AIG1: variants seen among roughly 807,000 people sequenced by gnomAD.
AIG1 encodes the protein androgen-induced gene 1 protein.
Under a neutral mutation model 31.4 loss-of-function variants are expected in AIG1, and 23 were observed. The observed-to-expected ratio is 0.73, with a 90% CI of 0.53 to 1.04. The LOEUF (loss-of-function observed/expected upper bound fraction) is 1.04, where lower values mean the gene tolerates loss of function less well. AIG1 is among the 50% of genes least tolerant of loss of function. The pLI, the probability that AIG1 is intolerant of heterozygous loss-of-function variation, is 0.00. For synonymous variants in AIG1, 100 were observed against 110.5 expected (o/e 0.90, Z 0.60); for missense variants, 274 against 295.0 (o/e 0.93, Z 0.52).
At chr6:143,308,287 C>T (rs935374419) in intron 4 of AIG1, among the ~76,000 whole-genome samples, 12 of 152,374 alleles carry the variant, frequency 7.9e-5, no homozygotes, top group African/African-American at 1.2e-4. Context: ...AGAAATCACC[C>T]GTCTTCTGCA....
At chr6:143,224,248 G>A (rs746103022) in intron 3 of AIG1, among the ~76,000 whole-genome samples, 6 of 152,102 alleles carry the variant, frequency 3.9e-5, no homozygotes, top group Non-Finnish European at 8.8e-5. Flanking sequence ...CATCCAAACC[G>A]GAACTCCTCA....
chr6:143,273,430 A>G (rs12526051), intron 3 of AIG1, among the ~76,000 whole-genome samples: 73,157 of 151,588 alleles, frequency 0.48, 18,248 homozygotes, highest in African/African-American at 0.59. Context: ...TACTGAGTGC[A>G]GGAACACCTA....
At chr6:143,195,757 G>A (rs1370998218) in intron 3 of AIG1, among the ~76,000 whole-genome samples, 1 of 152,144 alleles carries the variant, frequency 6.6e-6, no homozygotes, top group Non-Finnish European at 1.5e-5. Context: ...GGCTGGCAAC[G>A]TCCTGGGCAC....
intron 1 of AIG1, among the ~76,000 whole-genome samples, chr6:143,134,168 T>A (rs1783516012): frequency 6.6e-6 from 1 of 152,000 alleles, no homozygotes; most frequent in Non-Finnish European, 1.5e-5. Context: ...TCAATTTCAG[T>A]ATGCCAAATA....
At chr6:143,245,426 A>G (rs1794552368) in intron 3 of AIG1, among the ~76,000 whole-genome samples, 1 of 152,232 alleles carries the variant, frequency 6.6e-6, no homozygotes, top group Non-Finnish European at 1.5e-5. Context: ...GAGGCTCTGC[A>G]CTAAATTTAC....
At position 143,104,391 on chromosome 6, in the gene AIG1, A is replaced by G. The variant is rs1396935481; in HGVS notation, c.142-32444A>G. Among the ~76,000 whole-genome samples, 7 of 152,168 alleles carry G rather than the reference A, an allele frequency of 4.6e-5. No individual in the cohort carries two copies. In the East Asian group the frequency reaches 1.3e-3, roughly 29 times the overall value. Reference sequence around the variant, plus strand: ...GCTTCCTTCTGACCTTGCTATAGTGAAGGGATTCCTTTCTCCATGGGAGTC... The same window carrying G: ...GCTTCCTTCTGACCTTGCTATAGTGGAGGGATTCCTTTCTCCATGGGAGTC... On this transcript the variant is annotated intron_variant, in intron 1 of 5. Coordinates refer to ENST00000357847, the MANE Select transcript of AIG1 (RefSeq NM_016108.4).
intron 1 of AIG1, among the ~76,000 whole-genome samples, chr6:143,104,831 G>T (rs540734268): frequency 1.3e-5 from 2 of 151,838 alleles, no homozygotes; most frequent in Non-Finnish European, 2.9e-5. Context: ...TTGAGCCTAG[G>T]AGTTCAAGAC....
At chr6:143,240,776 T>A (rs767670509) in intron 3 of AIG1, among the ~76,000 whole-genome samples, 5 of 152,236 alleles carry the variant, frequency 3.3e-5, no homozygotes, top group Non-Finnish European at 7.3e-5. Context: ...ACATTTTTTA[T>A]TGGATTCAAT....
intron 3 of AIG1, among the ~76,000 whole-genome samples, chr6:143,260,323 C>G (rs1325180104): frequency 1.3e-5 from 2 of 152,164 alleles, no homozygotes; most frequent in Admixed American, 1.3e-4. Context: ...TCTGGCGGGT[C>G]TTCTGCTTCT....
intron 3 of AIG1, among the ~76,000 whole-genome samples, chr6:143,193,907 T>C (rs1444940535): frequency 6.6e-6 from 1 of 152,156 alleles, no homozygotes; most frequent in Admixed American, 6.5e-5. Context: ...AGTGAGGAAA[T>C]AAGCTTTCTC....
intron 3 of AIG1, among the ~76,000 whole-genome samples, chr6:143,233,719 A>G (rs1793618306): frequency 6.6e-6 from 1 of 152,242 alleles, no homozygotes; most frequent in Non-Finnish European, 1.5e-5. Context: ...GCCACGTTTG[A>G]TTGGCCTAAA....
intron 3 of AIG1, among the ~76,000 whole-genome samples, chr6:143,263,981 G>C (rs998410465): frequency 2.0e-5 from 3 of 152,288 alleles, no homozygotes; most frequent in South Asian, 2.1e-4. Context: ...TATAGTCCTT[G>C]TTAGTAGGGA....
chr6:143,219,701 A>G (rs1312292873), intron 3 of AIG1, among the ~76,000 whole-genome samples: 1 of 152,186 alleles, frequency 6.6e-6, no homozygotes, highest in Non-Finnish European at 1.5e-5. Flanking sequence ...ATTCATTATC[A>G]TGATTGTTGA....
At chr6:143,197,520 A>G (rs1407724871) in intron 3 of AIG1, among the ~76,000 whole-genome samples, 1 of 152,032 alleles carries the variant, frequency 6.6e-6, no homozygotes, top group Non-Finnish European at 1.5e-5. Context: ...CCTTATACTC[A>G]TTTCTCTTTT....
At chr6:143,070,350 T>G (rs1777135196) in intron 1 of AIG1, among the ~76,000 whole-genome samples, 1 of 152,222 alleles carries the variant, frequency 6.6e-6, no homozygotes, top group Admixed American at 6.5e-5. Flanking sequence ...TTTCTTTCAT[T>G]GATGTTTTGT....
intron 3 of AIG1, chr6:143,188,914 T>G: frequency 1.0e-6 from 1 of 984,914 alleles, no homozygotes; most frequent in Non-Finnish European, 1.2e-6. Flanking sequence ...ATTAATGCGT[T>G]TTTTTCTTAA....
At chr6:143,125,940 T>C (rs1782650938) in intron 1 of AIG1, among the ~76,000 whole-genome samples, 1 of 152,226 alleles carries the variant, frequency 6.6e-6, no homozygotes, top group Non-Finnish European at 1.5e-5. Flanking sequence ...TGGAGCAGTA[T>C]GAGGTAAATA....
intron 1 of AIG1, among the ~76,000 whole-genome samples, chr6:143,065,643 G>C (rs1211106556): frequency 6.6e-6 from 1 of 152,200 alleles, no homozygotes; most frequent in Non-Finnish European, 1.5e-5. Context: ...TTTAGTAAAT[G>C]TTTAAGTAAA....
intron 3 of AIG1, among the ~76,000 whole-genome samples, chr6:143,273,365 C>T (rs1796673083): frequency 6.6e-6 from 1 of 152,120 alleles, no homozygotes; most frequent in African/African-American, 2.4e-5. Context: ...TAGTTGCTCC[C>T]CAAACTTGTC....
Sources: allele counts gnomAD v4.1 joint callset (sites outside exome capture counted in the v4.1 genomes callset), GRCh38; gene constraint gnomAD v4.1.1; transcripts MANE v1.5; gene names NCBI Gene and HGNC (gene_info 2026-07-23, HGNC 2026-07-21).